SART3: variants seen among roughly 807,000 people sequenced by gnomAD.
SART3 encodes spliceosome associated factor 3, U4/U6 recycling protein.
SART3 carries 44 observed loss-of-function variants against 122.3 expected under a neutral mutation model. The observed-to-expected ratio is 0.36, with a 90% CI of 0.28 to 0.46. The LOEUF (loss-of-function observed/expected upper bound fraction) is 0.46. Among genes scored for constraint, SART3 ranks in the 20% least tolerant of loss-of-function variants. The pLI, the probability that SART3 is intolerant of heterozygous loss-of-function variation, is 1.00. For synonymous variants in SART3, 442 were observed against 454.0 expected (o/e 0.97, Z 0.34); for missense variants, 1,101 against 1,229.0 (o/e 0.90, Z 1.56).
chr12:108,532,339 G>A lies in SART3; in HGVS notation c.1557-5C>T, dbSNP rs779269927. 5.0e-6 allele frequency: 8 copies of A among 1,613,324 alleles called. No homozygotes were observed. The highest frequency in any genetic ancestry group is 2.2e-5 in the East Asian group (1 of 44,892). ...TGCTGGGTGTCACCATGAGCTCTAA[G>A]GCAGAAAACAAAAAGTTGCTGCCAC... On this transcript the variant is annotated splice_polypyrimidine_tract_variant and splice_region_variant and intron_variant, in intron 12 of 18. Coordinates refer to ENST00000546815, the MANE Select transcript of SART3 (RefSeq NM_014706.4).
At chr12:108,549,682 A>G (rs995351489) in intron 1 of SART3, among the ~76,000 whole-genome samples, 5 of 152,340 alleles carry the variant, frequency 3.3e-5, no homozygotes, top group South Asian at 2.1e-4. Flanking sequence ...CCTTTAGCAC[A>G]TGTGAGGTAC....
intron 1 of SART3, among the ~76,000 whole-genome samples, chr12:108,558,189 G>A (rs2030315504): frequency 6.6e-6 from 1 of 152,010 alleles, no homozygotes; most frequent in African/African-American, 2.4e-5. Context: ...AAACACTGAG[G>A]GATGAGAACC....
At position 108,524,305 on chromosome 12, in the gene SART3, C is replaced by T. The variant is rs778454727; in HGVS notation, c.2714+11G>A. The T allele has an allele frequency of 1.2e-6, 2 of 1,611,990 alleles. No individual in the cohort carries two copies. Among genetic ancestry groups the T allele is most frequent in the Non-Finnish European group, 1.7e-6 (2 of 1,179,004 alleles). ...ACGAAGTTTGCACTAGTCTACCATG[C>T]AAGCACTTACGCTCCGTATGTCTGC... On this transcript the variant is annotated intron_variant, in intron 18 of 18. Coordinates refer to ENST00000546815, the MANE Select transcript of SART3 (RefSeq NM_014706.4).
chr12:108,549,627 G>C (rs1429847919), intron 1 of SART3, among the ~76,000 whole-genome samples: 2 of 152,056 alleles, frequency 1.3e-5, no homozygotes, highest in African/African-American at 4.8e-5. Flanking sequence ...CTGTTACACT[G>C]GTCTTTAAGA....
intron 1 of SART3, among the ~76,000 whole-genome samples, chr12:108,558,819 G>A (rs1441692251): frequency 2.6e-5 from 4 of 152,066 alleles, no homozygotes; most frequent in Admixed American, 6.5e-5. Flanking sequence ...GGATCACGAG[G>A]TCAGGAGATC....
At chr12:108,539,822 C>T (rs942944526) in intron 6 of SART3, among the ~76,000 whole-genome samples, 2 of 152,078 alleles carry the variant, frequency 1.3e-5, no homozygotes, top group Admixed American at 6.6e-5. Flanking sequence ...TTTCCAGTAA[C>T]GAGGAAGAAT....
intron 1 of SART3, among the ~76,000 whole-genome samples, chr12:108,549,594 T>C (rs2029911411): frequency 6.6e-6 from 1 of 152,174 alleles, no homozygotes; most frequent in African/African-American, 2.4e-5. Flanking sequence ...TACCAGGTCT[T>C]CCAAGGATTT....
intron 15 of SART3, among the ~76,000 whole-genome samples, chr12:108,529,271 T>A (rs189344515): frequency 1.3e-5 from 2 of 152,070 alleles, no homozygotes; most frequent in Non-Finnish European, 2.9e-5. Flanking sequence ...GTAAATATGG[T>A]CATAAATATG....
At chr12:108,549,568 A>C (rs1261600285) in intron 1 of SART3, among the ~76,000 whole-genome samples, 1 of 152,200 alleles carries the variant, frequency 6.6e-6, no homozygotes, top group East Asian at 1.9e-4. Flanking sequence ...TGAGGACACT[A>C]CTAGTTTCTA....
chr12:108,560,508 A>G, intron 1 of SART3: 1 of 399,360 alleles, frequency 2.5e-6, no homozygotes, highest in Non-Finnish European at 4.4e-6. Context: ...TAAGAGTGGG[A>G]GTTCTGGAAT....
chr12:108,537,083 G>A (rs1429405956), intron 9 of SART3: 2 of 468,982 alleles, frequency 4.3e-6, no homozygotes, highest in Non-Finnish European at 7.8e-6. Flanking sequence ...CCTGTATGAG[G>A]TGACAGCTGA....
intron 14 of SART3, 86 bp downstream of exon 14, chr12:108,531,118 G>C: frequency 9.9e-7 from 1 of 1,005,160 alleles, no homozygotes; most frequent in Non-Finnish European, 1.6e-6. Flanking sequence ...TTAGGAAAAT[G>C]TAAAACATCT....
intron 3 of SART3, among the ~76,000 whole-genome samples, chr12:108,546,265 T>A (rs1873412825): frequency 6.6e-6 from 1 of 152,084 alleles, no homozygotes; most frequent in Non-Finnish European, 1.5e-5. Context: ...AGAGGCATGA[T>A]CACGGCTCAC....
At chr12:108,557,307 G>A (rs1443534221) in intron 1 of SART3, among the ~76,000 whole-genome samples, 5 of 142,574 alleles carry the variant, frequency 3.5e-5, no homozygotes, top group South Asian at 2.3e-4. Flanking sequence ...TCTGCCTCCC[G>A]GGTTCAGGCG....
At chr12:108,524,560 C>G in intron 17 of SART3, 54 bp from the exon 18 acceptor site, 1 of 1,548,028 alleles carries the variant, frequency 6.5e-7, no homozygotes, top group African/African-American at 1.4e-5. Flanking sequence ...AGGGACGCAA[C>G]CTCCTCCTGC....
intron 1 of SART3, 85 bp from the exon 2 acceptor site, chr12:108,549,299 C>A (rs951794092): frequency 5.6e-6 from 8 of 1,430,266 alleles, no homozygotes; most frequent in Non-Finnish European, 7.8e-6. Flanking sequence ...TACACATATA[C>A]CTGCCACAAA....
At chr12:108,530,845 G>A (rs1045999180) in intron 14 of SART3, among the ~76,000 whole-genome samples, 4 of 150,618 alleles carry the variant, frequency 2.7e-5, no homozygotes, top group Non-Finnish European at 4.4e-5. Context: ...GCAACAGAGC[G>A]AGACTCCGTC....
chr12:108,557,660 G>C (rs1431114912), intron 1 of SART3, among the ~76,000 whole-genome samples: 2 of 152,182 alleles, frequency 1.3e-5, no homozygotes, highest in Admixed American at 6.5e-5. Flanking sequence ...CCAAGACTCT[G>C]CGAGCTGAAA....
chr12:108,552,774 C>T (rs902396295), intron 1 of SART3, among the ~76,000 whole-genome samples: 1 of 152,174 alleles, frequency 6.6e-6, no homozygotes, highest in Non-Finnish European at 1.5e-5. Flanking sequence ...CCTAAACTGA[C>T]TTACAGGCTT....
Sources: allele counts gnomAD v4.1 joint callset (sites outside exome capture counted in the v4.1 genomes callset), GRCh38; gene constraint gnomAD v4.1.1; transcripts MANE v1.5; gene names NCBI Gene and HGNC (gene_info 2026-07-23, HGNC 2026-07-21).